The following EEF1B2 variants were observed in gnomAD, a reference collection of about 807,000 sequenced individuals.
EEF1B2 encodes eukaryotic translation elongation factor 1 beta 2.
EEF1B2 carries 12 observed loss-of-function variants against 28.3 expected under a neutral mutation model. The observed-to-expected ratio is 0.42, with a 90% CI of 0.27 to 0.69. EEF1B2 has a LOEUF of 0.69. EEF1B2 is among the 30% of genes least tolerant of loss of function. The probability of loss-of-function intolerance (pLI) is 0.22; values close to 1 mark genes in which losing one functional copy is unlikely to be tolerated. For missense variants in EEF1B2, 234 were observed against 272.6 expected, an observed-to-expected ratio of 0.86 and a Z score of 1.00; for synonymous variants, 83 against 99.9, an observed-to-expected ratio of 0.83 and a Z score of 1.01.
chr2:206,161,200 GTGTT>G, intron 2 of EEF1B2, 142 bp from the exon 3 acceptor site: 1 of 1,078,360 alleles, frequency 9.3e-7, no homozygotes, highest in Non-Finnish European at 1.3e-6. Flanking sequence ...ACATATGACA[GTGTT>G]TACCTGGGCG....
intron 3 of EEF1B2, 83 bp from the exon 4 acceptor site, chr2:206,161,955 C>G (rs1182501327): frequency 8.5e-7 from 1 of 1,174,088 alleles, no homozygotes; most frequent in Non-Finnish European, 1.3e-6. Flanking sequence ...CTGATTAAGC[C>G]AGTCTTTTTT....
At chr2:206,161,185 G>A in intron 2 of EEF1B2, 161 bp from the exon 3 acceptor site, 3 of 900,196 alleles carry the variant, frequency 3.3e-6, no homozygotes, top group Non-Finnish European at 5.0e-6. Context: ...CGGGTGAGGA[G>A]TTGAACATAT....
rs1289333274 is a variant in EEF1B2 at position 206,161,571 on chromosome 2, A to G, written c.330+99A>G. ...GCTGAGGCGGGTGGATCACGAGGTC[A>G]GGAGTTGAAGACCAGCCTGGCCAAG... is the stretch of plus-strand genomic sequence containing the variant. On this transcript the variant is annotated intron_variant, in intron 3 of 5. Transcript: ENST00000392222. The G allele has an allele frequency of 4.7e-6, 7 of 1,501,242 alleles. No individual in the cohort carries two copies. In the African/African-American group the frequency reaches 8.3e-5, roughly 18 times the overall value. 93.0% of individuals were successfully genotyped at this position (1,501,242 alleles called of 1,614,324 possible).
intron 2 of EEF1B2, chr2:206,161,004 G>T (rs1343363853): frequency 1.5e-6 from 1 of 650,510 alleles, no homozygotes; most frequent in Non-Finnish European, 2.8e-6. Context: ...TTCAGTCCTT[G>T]GCCATTCTTC....
In EEF1B2 at chr2:206,162,598, C is replaced by G. The variant is rs779876137; in HGVS notation, c.507C>G (p.Gly169=). ...GCGTCAGAAGCATTCAAGCAGACGG[C>G]TTAGTCTGGGGCTCATGTGAGTTTA... is the stretch of plus-strand genomic sequence containing the variant. ...EECVRSIQAD[G]LVWGSSKLVP... Residue 169 remains glycine (G), a synonymous_variant, in exon 5 of 6, where the codon GGC becomes GGG. Coordinates refer to ENST00000392222, the MANE Select transcript of EEF1B2 (RefSeq NM_001959.4). The G allele has an allele frequency of 6.2e-7, 1 of 1,612,908 alleles. No individual in the cohort carries two copies.
At position 206,160,672 on chromosome 2, in the gene EEF1B2, G is replaced by T; in HGVS notation, c.165G>T (p.Trp55Cys). The T allele has an allele frequency of 1.2e-6, 2 of 1,614,036 alleles. No individual in the cohort carries two copies. Among genetic ancestry groups the T allele is most frequent in the Non-Finnish European group, 1.7e-6 (2 of 1,180,026 alleles). ...PPADLCHALR[W>C]YNHIKSYEKE... ...CCGACTTGTGTCATGCCCTACGTTG[G>T]TATAATCACATCAAGTCTTACGAAA... The change falls in exon 2 of 6, where the codon TGG becomes TGT. Residue 55 changes from tryptophan to cysteine, a missense_variant. This residue lies in a region of EEF1B2 where 178 missense variants were observed against 173.3 expected (regional missense o/e 1.03). Transcript: ENST00000392222.
intron 1 of EEF1B2, among the ~76,000 whole-genome samples, chr2:206,160,302 C>T (rs1015005609): frequency 3.3e-5 from 5 of 152,200 alleles, no homozygotes; most frequent in African/African-American, 7.2e-5. Flanking sequence ...TTAATTCAGC[C>T]AGGTGTTTCC....
In EEF1B2 at chr2:206,161,406, A is replaced by C. The variant is rs1055594685; in HGVS notation, c.264A>C (p.Thr88=). The C allele has an allele frequency of 5.6e-6, 9 of 1,614,146 alleles. No homozygotes were observed. Among genetic ancestry groups the C allele is most frequent in the Non-Finnish European group, 7.6e-6 (9 of 1,179,994 alleles). ...KYGPADVEDT[T]GSGATDSKDD... is the part of the protein sequence containing the mutation. ...GTCCTGCCGATGTGGAAGACACTAC[A>C]GGAAGTGGAGCTACAGATAGTAAAG... Residue 88 remains threonine (T), a synonymous_variant, in exon 3 of 6, where the codon ACA becomes ACC. Transcript: ENST00000392222.
chr2:206,162,688 A>G (rs1300427449), intron 5 of EEF1B2, 41 bp from the exon 6 acceptor site: 4 of 1,610,686 alleles, frequency 2.5e-6, no homozygotes, highest in African/African-American at 1.3e-5. Context: ...CCTTTCCTAC[A>G]AGACTTTTCT....
Position 206,162,499 on chromosome 2 carries a change from T to A in EEF1B2, c.408T>A (p.Leu136=), listed in dbSNP as rs774378420. The change falls in exon 5 of 6, where the codon CTT becomes CTA. Residue 136 remains leucine, a synonymous_variant. Coordinates refer to ENST00000392222, the MANE Select transcript of EEF1B2 (RefSeq NM_001959.4). ...GTTTATTGTTTTTAGAACCTGCACTTGTTGCCAAGTCTTCCATCTTACTAG... is the reference window on the plus strand; with the variant it reads ...GTTTATTGTTTTTAGAACCTGCACTAGTTGCCAAGTCTTCCATCTTACTAG... ...YESKKAKKPA[L]VAKSSILLDV... 2 of 1,612,564 alleles carry A rather than the reference T, an allele frequency of 1.2e-6. No homozygotes were observed. Among genetic ancestry groups the A allele is most frequent in the African/African-American group, 2.7e-5 (2 of 74,860 alleles).
chr2:206,160,215 G>A (rs988575114), intron 1 of EEF1B2, among the ~76,000 whole-genome samples, 156 bp downstream of exon 1: 1 of 152,240 alleles, frequency 6.6e-6, no homozygotes, highest in Admixed American at 6.5e-5. Context: ...GTCTCCCAAG[G>A]CCCTCGTGTG....
At chr2:206,161,276 G>C in intron 2 of EEF1B2, 70 bp from the exon 3 acceptor site, 1 of 1,592,820 alleles carries the variant, frequency 6.3e-7, no homozygotes, top group Non-Finnish European at 8.5e-7. Flanking sequence ...ATTAAAACAA[G>C]TTATTTTGTA....
In EEF1B2 at chr2:206,162,370, T is replaced by A. The variant is rs775123295; in HGVS notation, c.398-119T>A. On this transcript the variant is annotated intron_variant, in intron 4 of 5. Coordinates refer to ENST00000392222, the MANE Select transcript of EEF1B2 (RefSeq NM_001959.4). ...GTGTGACAGACACAAGATGTATCTG[T>A]AGTTTTGTTTGGCTAAGGAGATAGT... The A allele has an allele frequency of 2.7e-6, 4 of 1,482,758 alleles. No homozygotes were observed. In the South Asian group the frequency reaches 4.6e-5, roughly 17 times the overall value. 91.9% of individuals were successfully genotyped at this position (1,482,758 alleles called of 1,614,324 possible). A position where few individuals can be genotyped will look rare whatever the true frequency, so the allele number is the denominator to read the frequency against.
intron 1 of EEF1B2, 160 bp from the exon 2 acceptor site, chr2:206,160,428 T>G: frequency 7.6e-7 from 1 of 1,311,434 alleles, no homozygotes; most frequent in Non-Finnish European, 1.0e-6. Context: ...GACCCAAACA[T>G]ATGGTTTGAT....
chr2:206,160,707 C>T lies in EEF1B2; in HGVS notation c.200C>T (p.Ala67Val), dbSNP rs998642259. The change falls in exon 2 of 6, where the codon GCC becomes GTC. Residue 67 changes from alanine (A) to valine (V), a missense_variant. Ala to Val is a moderately conservative substitution (Grantham distance 64, BLOSUM62 0). This residue lies in a region of EEF1B2 where 178 missense variants were observed against 173.3 expected (regional missense o/e 1.03). Transcript: ENST00000392222. ...NHIKSYEKEK[A>V]SLPGVKKALG... ...ATCAAGTCTTACGAAAAGGAAAAGGCCAGGTAAAATCATCTTTGTATAGAG... is the reference window on the plus strand; with the variant it reads ...ATCAAGTCTTACGAAAAGGAAAAGGTCAGGTAAAATCATCTTTGTATAGAG... 3.1e-6 allele frequency: 5 copies of T among 1,614,090 alleles called. No homozygotes were observed. The Admixed American group carries it at 5.0e-5, about 16-fold the overall frequency.
intron 2 of EEF1B2, chr2:206,160,967 C>T (rs1385127242): frequency 1.4e-6 from 1 of 696,598 alleles, no homozygotes; most frequent in Non-Finnish European, 2.6e-6. Flanking sequence ...GGGGGCCCAC[C>T]TCTGGGGTGA....
At position 206,162,857 on chromosome 2, in the gene EEF1B2, G is replaced by A. The variant is rs1687973760; in HGVS notation, c.652G>A (p.Asp218Asn). The change falls in exon 6 of 6, where the codon GAT (aspartate) becomes AAT (asparagine). Residue 218 changes from aspartate to asparagine, a missense_variant. Around this residue, in one of 2 missense-constraint regions of EEF1B2, gnomAD observed 56 missense variants for 99.3 expected, o/e 0.56. Transcript: ENST00000392222. ...TAFEDYVQSM[D>N]VAAFNKI ...TTTTGAGGACTATGTGCAGTCCATG[G>A]ATGTGGCTGCTTTCAACAAGATCTA... 1 of 1,595,986 alleles carries A rather than the reference G, an allele frequency of 6.3e-7. No homozygotes were observed. Among genetic ancestry groups the A allele is most frequent in the Non-Finnish European group, 8.5e-7 (1 of 1,178,490 alleles).
chr2:206,162,133 A>G, intron 4 of EEF1B2, 29 bp downstream of exon 4: 1 of 1,595,066 alleles, frequency 6.3e-7, no homozygotes, highest in Admixed American at 1.7e-5. Context: ...ACTTCATTTC[A>G]TGTTAATGTA....
chr2:206,160,139 G>A, intron 1 of EEF1B2, 80 bp downstream of exon 1: 3 of 1,520,766 alleles, frequency 2.0e-6, no homozygotes, highest in Non-Finnish European at 2.7e-6. Flanking sequence ...CGTGTCGGCT[G>A]CCGCGGGAGG....
Sources: gnomAD v4.1 joint callset for allele counts (sites outside exome capture counted in the v4.1 genomes callset) on GRCh38, gnomAD v4.1.1 for gene constraint, gnomAD v4.1.1 regional missense constraint, MANE v1.5 for transcripts, NCBI Gene and HGNC (gene_info 2026-07-23, HGNC 2026-07-21) for gene names.